Variants in DOT1L observed in about 807,000 individuals in gnomAD.
The protein encoded by DOT1L is DOT1 like histone lysine methyltransferase, also known as histone-lysine N-methyltransferase, H3 lysine-79 specific.
Under a neutral mutation model 153.3 loss-of-function variants are expected in DOT1L, and 33 were observed. The observed-to-expected ratio is 0.22, with a 90% CI of 0.16 to 0.29. The LOEUF (loss-of-function observed/expected upper bound fraction) is 0.29, where lower values mean the gene tolerates loss of function less well. Ranked by LOEUF, DOT1L falls within the 10% of genes least tolerant of loss-of-function variation. The pLI, the probability that DOT1L is intolerant of heterozygous loss-of-function variation, is 1.00. For missense variants in DOT1L, 1,847 were observed against 2,119.9 expected, an observed-to-expected ratio of 0.87 and a Z score of 2.53; for synonymous variants, 1,135 against 965.1, an observed-to-expected ratio of 1.18 and a Z score of -3.26.
intron 1 of DOT1L, among the ~76,000 whole-genome samples, chr19:2,172,677 G>C (rs764965521): frequency 1.3e-4 from 20 of 151,496 alleles, no homozygotes; most frequent in Non-Finnish European, 2.5e-4. Context: ...GCTAGTTTTT[G>C]TATTTTTAGT....
intron 27 of DOT1L, chr19:2,227,560 G>C (rs894588625): frequency 4.4e-6 from 3 of 678,128 alleles, no homozygotes; most frequent in African/African-American, 4.0e-5. Context: ...CGGGGCGGGG[G>C]GCCGGAGGGC....
Position 2,226,504 on chromosome 19 carries a change from T to C in DOT1L, c.3983T>C (p.Leu1328Ser), listed in dbSNP as rs993463137. 3.1e-6 allele frequency: 5 copies of C among 1,600,644 alleles called. No individual in the cohort carries two copies. Among genetic ancestry groups the C allele is most frequent in the African/African-American group, 2.7e-5 (2 of 74,916 alleles). ...FGGGLAADLS[L>S]HSFSDGASLP... is the part of the protein sequence containing the mutation. Reference sequence around the variant, plus strand: ...GGGGGCCTGGCCGCGGACCTGAGTTTACACAGCTTCAGTGATGGTGCTTCT... The same window carrying C: ...GGGGGCCTGGCCGCGGACCTGAGTTCACACAGCTTCAGTGATGGTGCTTCT... The change falls in exon 27 of 28, where the codon TTA (leucine) becomes TCA (serine). Residue 1328 changes from leucine (L) to serine (S), a missense_variant. By Grantham distance (145) the Leu-to-Ser change is moderately radical. Around this residue, in one of 8 missense-constraint regions of DOT1L, gnomAD observed 934 missense variants for 825.3 expected, o/e 1.13. Coordinates refer to ENST00000398665, the MANE Select transcript of DOT1L (RefSeq NM_032482.3).
chr19:2,169,084 G>C (rs932407050), intron 1 of DOT1L, among the ~76,000 whole-genome samples: 2 of 152,078 alleles, frequency 1.3e-5, no homozygotes, highest in African/African-American at 2.4e-5. Flanking sequence ...ACTGGCCAAG[G>C]GTCCGGACTC....
At position 2,228,556 on chromosome 19, in the gene DOT1L, C is replaced by T. The variant is rs959710562; in HGVS notation, c.4607-1229C>T. On this transcript the variant is annotated intron_variant, in intron 27 of 27. Coordinates refer to ENST00000398665, the MANE Select transcript of DOT1L (RefSeq NM_032482.3). ...GAGAGGAGGGACTACAGGACGGGCA[C>T]CAGCCATGGAGTGGCCTGAGTGTGT... The T allele has an allele frequency of 4.3e-5, 42 of 985,340 alleles. No individual in the cohort carries two copies. The Middle Eastern group carries it at 3.7e-3, about 86-fold the overall frequency. The allele number at this position is 985,340 out of a possible 1,614,324, so 61.0% of individuals were successfully genotyped here. A position where few individuals can be genotyped will look rare whatever the true frequency, so the allele number is the denominator to read the frequency against.
rs758629663 is a variant in DOT1L at position 2,164,181 on chromosome 19, G to T, written c.-4G>T. 1 of 1,197,292 alleles carries T rather than the reference G, an allele frequency of 8.4e-7. No homozygotes were observed. The allele number at this position is 1,197,292 out of a possible 1,614,324, so 74.2% of individuals were successfully genotyped here. A position where few individuals can be genotyped will look rare whatever the true frequency, so the allele number is the denominator to read the frequency against. The stretch of plus-strand genomic sequence containing the variant: ...AGCATGGTGCGGCGGCCGCGCGCGC[G>T]GACATGGGGGAGAAGCTGGAGCTGA... On this transcript the variant is annotated 5_prime_UTR_variant, in exon 1 of 28. Transcript: ENST00000398665.
intron 5 of DOT1L, among the ~76,000 whole-genome samples, chr19:2,192,687 A>T (rs2144748986): frequency 6.6e-6 from 1 of 151,894 alleles, no homozygotes; most frequent in Admixed American, 6.5e-5. Flanking sequence ...AAAAAAAAAA[A>T]AAAAATGGGG....
Position 2,207,207 on chromosome 19 carries a change from G to T in DOT1L, c.857-367G>T, listed in dbSNP as rs1472335610. 6.6e-6 allele frequency among the ~76,000 whole-genome samples: 1 copy of T among 152,234 alleles called. No individual in the cohort carries two copies. The highest frequency in any genetic ancestry group is 2.4e-5 in the African/African-American group (1 of 41,464). Reference sequence around the variant, plus strand: ...TGTCAGCTCCCAGCCTTGCGGGGCAGCACGGCCTCCTCTGAGGGGCTTCCC... The same window carrying T: ...TGTCAGCTCCCAGCCTTGCGGGGCATCACGGCCTCCTCTGAGGGGCTTCCC... On this transcript the variant is annotated intron_variant, in intron 10 of 27. Transcript: ENST00000398665. The surrounding 1 kb of genome is among the most constrained non-coding windows in gnomAD (Gnocchi z 4.5).
chr19:2,185,207 G>T (rs1352150420), intron 2 of DOT1L, among the ~76,000 whole-genome samples: 1 of 152,110 alleles, frequency 6.6e-6, no homozygotes, highest in African/African-American at 2.4e-5. Flanking sequence ...CCCGGCACCA[G>T]TTGGCTTTAG....
In DOT1L at chr19:2,175,010, T is replaced by A. The variant is rs1409324945; in HGVS notation, c.82-5703T>A. Among the ~76,000 whole-genome samples, 30 of 148,134 alleles carry A rather than the reference T, an allele frequency of 2.0e-4. No homozygotes were observed. The South Asian group carries it at 5.6e-3, about 28-fold the overall frequency. Reference sequence around the variant, plus strand: ...TGTGTGTGTGTATATATATATTTTTTTTTTTTTAGATGGAGTCTTGCTCTG... The same window carrying A: ...TGTGTGTGTGTATATATATATTTTTATTTTTTTAGATGGAGTCTTGCTCTG... On this transcript the variant is annotated intron_variant, in intron 1 of 27. Transcript: ENST00000398665.
chr19:2,202,954 C>G (rs151120963), intron 9 of DOT1L, among the ~76,000 whole-genome samples, 175 bp downstream of exon 9: 148 of 152,254 alleles, frequency 9.7e-4, no homozygotes, highest in African/African-American at 3.5e-3. Flanking sequence ...GACAGTTTTC[C>G]TCTGTCACCC....
intron 18 of DOT1L, 152 bp downstream of exon 18, chr19:2,214,138 A>C (rs529664279): frequency 1.0e-5 from 13 of 1,303,412 alleles, no homozygotes; most frequent in Middle Eastern, 2.7e-4. Context: ...AAGCTTGTCG[A>C]GCGCGTCACA....
At chr19:2,182,594 T>G (rs549856278) in intron 2 of DOT1L, among the ~76,000 whole-genome samples, 10 of 151,768 alleles carry the variant, frequency 6.6e-5, no homozygotes, top group Non-Finnish European at 1.5e-4. Flanking sequence ...CTGTGCAGGT[T>G]CTGCCAGTGC....
In DOT1L at chr19:2,208,596, C is replaced by T. The variant is rs1353457435; in HGVS notation, c.964-339C>T. Among the ~76,000 whole-genome samples the T allele has an allele frequency of 2.0e-5, 3 of 152,212 alleles. No homozygotes were observed. Among genetic ancestry groups the T allele is most frequent in the Admixed American group, 6.5e-5 (1 of 15,290 alleles). ...CACTGACGCCCTCGGCGCAGCCTCT[C>T]GCCTTCTCCTCTGAGGCGGGCGCGG... On this transcript the variant is annotated intron_variant, in intron 11 of 27. Coordinates refer to ENST00000398665, the MANE Select transcript of DOT1L (RefSeq NM_032482.3). This position sits in a 1 kb window ranked among gnomAD's most constrained non-coding sequence, Gnocchi z 4.4.
In DOT1L at chr19:2,207,902, G is replaced by A. The variant is rs1029946425; in HGVS notation, c.963+222G>A. On this transcript the variant is annotated intron_variant, in intron 11 of 27. Coordinates refer to ENST00000398665, the MANE Select transcript of DOT1L (RefSeq NM_032482.3). This position sits in a 1 kb window ranked among gnomAD's most constrained non-coding sequence, Gnocchi z 4.5. Reference sequence around the variant, plus strand: ...CCCAGGCACTGGGCGTGTCCTGGGTGAGGGCTGAGTGCTGTCTCCCCTAGT... The same window carrying A: ...CCCAGGCACTGGGCGTGTCCTGGGTAAGGGCTGAGTGCTGTCTCCCCTAGT... 1.3e-5 allele frequency among the ~76,000 whole-genome samples: 2 copies of A among 152,104 alleles called. No homozygotes were observed. Among genetic ancestry groups the A allele is most frequent in the African/African-American group, 4.8e-5 (2 of 41,430 alleles).
At chr19:2,189,314 C>T (rs1035877460) in intron 3 of DOT1L, among the ~76,000 whole-genome samples, 1 of 152,190 alleles carries the variant, frequency 6.6e-6, no homozygotes, top group Admixed American at 6.5e-5. Flanking sequence ...CGTTCACCTG[C>T]CTCTGGCGAT....
At chr19:2,221,906 G>T in intron 23 of DOT1L, 70 bp from the exon 24 acceptor site, 1 of 1,443,096 alleles carries the variant, frequency 6.9e-7, no homozygotes, top group Non-Finnish European at 9.3e-7. Context: ...CTAGGGGGTG[G>T]TGCTCCCACA....
intron 12 of DOT1L, among the ~76,000 whole-genome samples, chr19:2,209,188 C>A (rs1052733576): frequency 6.6e-6 from 1 of 152,122 alleles, no homozygotes; most frequent in South Asian, 2.1e-4. Context: ...CTGTCCTCCC[C>A]CTCTTCCTCT....
At chr19:2,194,629 C>CCA (rs1393277362) in intron 7 of DOT1L, 52 bp downstream of exon 7, 10 of 1,568,620 alleles carry the variant, frequency 6.4e-6, no homozygotes, top group Non-Finnish European at 8.7e-6. Flanking sequence ...ACCCCCGCTC[C>CCA]CACCCTCCTG....
At position 2,194,495 on chromosome 19, in the gene DOT1L, T is replaced by C. The variant is rs758127657; in HGVS notation, c.589-20T>C. ...TTGCCCTGAGAGTTTGTAACGGGCG[T>C]TTGGTTTCTTTCCTTCCAGACCATG... is the stretch of plus-strand genomic sequence containing the variant. On this transcript the variant is annotated intron_variant, in intron 6 of 27. Coordinates refer to ENST00000398665, the MANE Select transcript of DOT1L (RefSeq NM_032482.3). 3 of 1,613,728 alleles carry C rather than the reference T, an allele frequency of 1.9e-6. No individual in the cohort carries two copies. Among genetic ancestry groups the C allele is most frequent in the Admixed American group, 3.3e-5 (2 of 60,000 alleles).
Sources: allele counts gnomAD v4.1 joint callset (sites outside exome capture counted in the v4.1 genomes callset), GRCh38; gene constraint gnomAD v4.1.1; regional missense constraint gnomAD v4.1.1; non-coding constraint Gnocchi (gnomAD v3.1); transcripts MANE v1.5; gene names NCBI Gene and HGNC (gene_info 2026-07-23, HGNC 2026-07-21).